The following SRPK2 variants were observed in gnomAD, a reference collection of about 807,000 sequenced individuals.
SRPK2 encodes SRSF protein kinase 2, also known as SFRS protein kinase 2.
SRPK2 carries 21 observed loss-of-function variants against 90.8 expected under a neutral mutation model. The observed-to-expected ratio is 0.23, with a 90% CI of 0.16 to 0.33. The LOEUF is 0.33. Among genes scored for constraint, SRPK2 ranks in the 10% least tolerant of loss-of-function variants. SRPK2 has a pLI of 1.00. For synonymous variants in SRPK2, 288 were observed against 311.1 expected (o/e 0.93, Z 0.78); for missense variants, 620 against 869.0 (o/e 0.71, Z 3.60).
intron 2 of SRPK2, among the ~76,000 whole-genome samples, chr7:105,307,387 ATAAG>A (rs1811256891): frequency 6.6e-6 from 1 of 152,266 alleles, no homozygotes; most frequent in Non-Finnish European, 1.5e-5. Context: ...CCAATGTGTA[ATAAG>A]TAAGTGTTTT....
chr7:105,285,612 C>A (rs899455825), intron 2 of SRPK2, among the ~76,000 whole-genome samples: 8 of 152,042 alleles, frequency 5.3e-5, no homozygotes, highest in Non-Finnish European at 1.0e-4. Context: ...GGATGGATCC[C>A]GCATGAATGG....
intron 2 of SRPK2, among the ~76,000 whole-genome samples, chr7:105,245,712 C>A (rs897515532): frequency 6.6e-6 from 1 of 152,024 alleles, no homozygotes; most frequent in Non-Finnish European, 1.5e-5. Flanking sequence ...TTAGAAAACA[C>A]TTTTTTTCCC....
chr7:105,397,399 G>T (rs946978255), intron 1 of SRPK2, among the ~76,000 whole-genome samples: 4 of 146,398 alleles, frequency 2.7e-5, no homozygotes, highest in Non-Finnish European at 6.0e-5. Context: ...GCATGATCTC[G>T]CCTCACTGCA....
At chr7:105,314,791 G>GAAA (rs1312301584) in intron 2 of SRPK2, among the ~76,000 whole-genome samples, 1 of 152,120 alleles carries the variant, frequency 6.6e-6, no homozygotes, top group African/African-American at 2.4e-5. Context: ...TATAACAAAA[G>GAAA]AAAAACCTGT....
At chr7:105,195,664 A>G (rs754612798) in intron 3 of SRPK2, among the ~76,000 whole-genome samples, 6 of 152,216 alleles carry the variant, frequency 3.9e-5, no homozygotes, top group Non-Finnish European at 8.8e-5. Flanking sequence ...CATCATCCAA[A>G]TATTCTTTAC....
chr7:105,291,672 C>A (rs1406313297), intron 2 of SRPK2, among the ~76,000 whole-genome samples: 5 of 152,068 alleles, frequency 3.3e-5, no homozygotes, highest in African/African-American at 1.2e-4. Flanking sequence ...AGAGGCTGCA[C>A]TGAGCCAAGA....
intron 2 of SRPK2, among the ~76,000 whole-genome samples, chr7:105,372,861 G>A (rs958418268): frequency 3.3e-5 from 5 of 152,150 alleles, no homozygotes; most frequent in Admixed American, 6.6e-5. Flanking sequence ...GGCCAAGGCC[G>A]GTGGATCACC....
intron 2 of SRPK2, among the ~76,000 whole-genome samples, chr7:105,223,818 C>G (rs764458635): frequency 3.7e-4 from 57 of 152,266 alleles, no homozygotes; most frequent in Non-Finnish European, 5.6e-4. Flanking sequence ...GTATAAAATA[C>G]CTAAGTGTGC....
chr7:105,213,442 T>C (rs530777495), intron 2 of SRPK2, among the ~76,000 whole-genome samples: 58 of 152,196 alleles, frequency 3.8e-4, no homozygotes, highest in Non-Finnish European at 7.4e-4. Context: ...TTTCCAAGCA[T>C]GTAAGAGTGC....
intron 2 of SRPK2, among the ~76,000 whole-genome samples, chr7:105,344,951 C>A (rs186363325): frequency 6.6e-6 from 1 of 151,798 alleles, no homozygotes; most frequent in Non-Finnish European, 1.5e-5. Context: ...GCCTGGCCAA[C>A]ATGGTGAAAC....
At chr7:105,334,138 G>C (rs1013611854) in intron 2 of SRPK2, among the ~76,000 whole-genome samples, 1 of 152,126 alleles carries the variant, frequency 6.6e-6, no homozygotes, top group African/African-American at 2.4e-5. Flanking sequence ...CTGGAGTGCA[G>C]TGGCGCAATC....
chr7:105,248,942 T>A (rs1289707518), intron 2 of SRPK2, among the ~76,000 whole-genome samples: 5 of 149,478 alleles, frequency 3.3e-5, no homozygotes, highest in Non-Finnish European at 7.5e-5. Flanking sequence ...AAAAAAAAAA[T>A]TCAAAGGTTA....
intron 2 of SRPK2, chr7:105,245,034 AACACACAC>A (rs58717493): frequency 0.052 from 27,210 of 519,034 alleles, 252 homozygotes; most frequent in East Asian, 0.11. Context: ...AAACAAAACA[AACACACAC>A]ACACACACAC....
At chr7:105,138,624 C>A (rs1435771151) in intron 11 of SRPK2, among the ~76,000 whole-genome samples, 1 of 152,126 alleles carries the variant, frequency 6.6e-6, no homozygotes, top group Non-Finnish European at 1.5e-5. Context: ...CATGGTAAAA[C>A]CCTACTTTCT....
Position 105,305,296 on chromosome 7 carries a change from G to A in SRPK2, c.71+83352C>T, listed in dbSNP as rs530941112. Among the ~76,000 whole-genome samples, 8 of 152,084 alleles carry A rather than the reference G, an allele frequency of 5.3e-5. No individual in the cohort carries two copies. In the South Asian group the frequency reaches 8.3e-4, roughly 16 times the overall value. ...CTCCACTAAAAACACAAAATTAGCC[G>A]GGTATTTTTACAGGTGGTGGGCACC... On this transcript the variant is annotated intron_variant, in intron 2 of 15. Transcript: ENST00000393651.
intron 2 of SRPK2, among the ~76,000 whole-genome samples, chr7:105,353,472 T>C (rs1237854876): frequency 1.3e-5 from 2 of 152,078 alleles, no homozygotes; most frequent in African/African-American, 4.8e-5. Context: ...CCCAAGTAGC[T>C]GGGATTACAG....
At chr7:105,359,366 G>C (rs985582346) in intron 2 of SRPK2, among the ~76,000 whole-genome samples, 15 of 151,818 alleles carry the variant, frequency 9.9e-5, no homozygotes, top group Admixed American at 3.9e-4. Context: ...CACTGTGTTA[G>C]TGAGGATGGC....
At chr7:105,368,035 A>G (rs1425980465) in intron 2 of SRPK2, among the ~76,000 whole-genome samples, 3 of 152,242 alleles carry the variant, frequency 2.0e-5, no homozygotes, top group East Asian at 1.9e-4. Flanking sequence ...AGAATCATCT[A>G]AAGTGTACAT....
chr7:105,142,071 T>C lies in SRPK2; in HGVS notation c.1480A>G (p.Ser494Gly). The change falls in exon 11 of 16, where the codon AGC (serine) becomes GGC (glycine). Residue 494 changes from serine to glycine, a missense_variant. By Grantham distance (56) the Ser-to-Gly change is moderately conservative. This residue lies in a region of SRPK2 where 243 missense variants were observed against 245.7 expected (regional missense o/e 0.99). Coordinates refer to ENST00000393651, the MANE Select transcript of SRPK2 (RefSeq NM_182692.3). ...EGSPLTEQEESSPSHDRSRTV... is the reference protein window; with the variant it reads ...EGSPLTEQEEGSPSHDRSRTV... ...CTGCTTCTGTCATGGGATGGACTGCTCTCCTCTTGCTCAGTAAGTGGTGAT... is the reference window on the plus strand; with the variant it reads ...CTGCTTCTGTCATGGGATGGACTGCCCTCCTCTTGCTCAGTAAGTGGTGAT... The C allele has an allele frequency of 6.2e-7, 1 of 1,614,090 alleles. No homozygotes were observed. Among genetic ancestry groups the C allele is most frequent in the Non-Finnish European group, 8.5e-7 (1 of 1,180,004 alleles).
Sources: allele counts gnomAD v4.1 joint callset (sites outside exome capture counted in the v4.1 genomes callset), GRCh38; gene constraint gnomAD v4.1.1; regional missense constraint gnomAD v4.1.1; transcripts MANE v1.5; gene names NCBI Gene and HGNC (gene_info 2026-07-23, HGNC 2026-07-21).